FRY: variants seen among roughly 807,000 people sequenced by gnomAD.
FRY encodes the protein protein furry homolog.
Under a neutral mutation model 348.4 loss-of-function variants are expected in FRY, and 128 were observed. The ratio of observed to expected loss-of-function variants is 0.37; its 90% CI spans 0.32 to 0.43. The LOEUF (loss-of-function observed/expected upper bound fraction) is 0.43. Among genes scored for constraint, FRY ranks in the 20% least tolerant of loss-of-function variants. The pLI, the probability that FRY is intolerant of heterozygous loss-of-function variation, is 1.00. For synonymous variants in FRY, 1,370 were observed against 1,374.7 expected (o/e 1.00, Z 0.08); for missense variants, 2,736 against 3,695.2 (o/e 0.74, Z 6.73).
At chr13:32,148,223 G>A (rs149640337) in intron 13 of FRY, among the ~76,000 whole-genome samples, 6 of 152,156 alleles carry the variant, frequency 3.9e-5, no homozygotes, top group South Asian at 4.1e-4. Context: ...GAATTAGTAC[G>A]ATTGTCTTGA....
intron 7 of FRY, among the ~76,000 whole-genome samples, chr13:32,128,089 G>A (rs1037418643): frequency 6.6e-6 from 1 of 151,990 alleles, no homozygotes; most frequent in African/African-American, 2.4e-5. Context: ...ATTCAGTTTG[G>A]GGTTATTGCA....
chr13:32,234,430 GAA>G, intron 41 of FRY, 142 bp from the exon 42 acceptor site: 1 of 686,980 alleles, frequency 1.5e-6, no homozygotes, highest in Non-Finnish European at 2.6e-6. Context: ...CTCAAAAAGA[GAA>G]AAAAAAAATG....
At chr13:32,249,787 GC>G in intron 49 of FRY, 100 bp downstream of exon 49, 1 of 1,054,682 alleles carries the variant, frequency 9.5e-7, no homozygotes, top group Non-Finnish European at 1.4e-6. Flanking sequence ...TCCCAAGGTT[GC>G]CCATATAGGT....
In FRY at chr13:32,102,011, G is replaced by T; in HGVS notation, c.319G>T (p.Asp107Tyr). The stretch of plus-strand genomic sequence containing the variant: ...GCAACGTGGAGAAGACCCCCAATTT[G>T]ATCAGGTATGTGATATATATGTTAT... ...SLQRGEDPQF[D>Y]QVISSMSSLS... is the part of the protein sequence containing the mutation. Residue 107 changes from aspartate to tyrosine, a missense_variant, in exon 3 of 61, where the codon GAT (aspartate) becomes TAT (tyrosine). Around this residue, in one of 9 missense-constraint regions of FRY, gnomAD observed 309 missense variants for 418.1 expected, o/e 0.74. Coordinates refer to ENST00000542859, the MANE Select transcript of FRY (RefSeq NM_023037.3). 6.5e-7 allele frequency: 1 copy of T among 1,531,788 alleles called. No individual in the cohort carries two copies. The highest frequency in any genetic ancestry group is 1.1e-5 in the South Asian group (1 of 89,320). The allele number at this position is 1,531,788 out of a possible 1,614,324, so 94.9% of individuals were successfully genotyped here.
intron 17 of FRY, among the ~76,000 whole-genome samples, chr13:32,162,292 A>T (rs1881491954): frequency 6.6e-6 from 1 of 152,218 alleles, no homozygotes; most frequent in Non-Finnish European, 1.5e-5. Flanking sequence ...TGAATGAATG[A>T]TGCATTACAC....
chr13:32,101,854 T>G, intron 2 of FRY, 109 bp from the exon 3 acceptor site: 1 of 714,830 alleles, frequency 1.4e-6, no homozygotes, highest in Non-Finnish European at 2.5e-6. Context: ...GCCTCCTGAT[T>G]CCATAATGAG....
At position 32,228,466 on chromosome 13, in the gene FRY, C is replaced by T; in HGVS notation, c.5217C>T (p.Asp1739=). Reference sequence around the variant, plus strand: ...TTCTTCTCCCACCAGGTGGCTTTGACTTCCTGAGAGAGGACCAGTCATCCC... The same window carrying T: ...TTCTTCTCCCACCAGGTGGCTTTGATTTCCTGAGAGAGGACCAGTCATCCC... ...QPEYLYTGGF[D]FLREDQSSPV... is the part of the protein sequence containing the mutation. The change falls in exon 40 of 61, where the codon GAC becomes GAT. Residue 1739 remains aspartate (D), a synonymous_variant. Coordinates refer to ENST00000542859, the MANE Select transcript of FRY (RefSeq NM_023037.3). 1 of 1,612,366 alleles carries T rather than the reference C, an allele frequency of 6.2e-7. No individual in the cohort carries two copies. The highest frequency in any genetic ancestry group is 1.1e-5 in the South Asian group (1 of 91,006).
chr13:32,200,599 G>A (rs1412877524), intron 29 of FRY, among the ~76,000 whole-genome samples: 1 of 152,056 alleles, frequency 6.6e-6, no homozygotes, highest in Non-Finnish European at 1.5e-5. Flanking sequence ...ATAAAAAAGA[G>A]AGAGAAGAAA....
At chr13:32,191,592 A>C (rs1346605934) in intron 28 of FRY, among the ~76,000 whole-genome samples, 10 of 152,218 alleles carry the variant, frequency 6.6e-5, no homozygotes, top group Admixed American at 6.5e-4. Flanking sequence ...AATATCATAG[A>C]CTAGTGGCTT....
In FRY at chr13:32,236,085, T is replaced by C; in HGVS notation, c.5723T>C (p.Val1908Ala). Residue 1908 changes from valine (V) to alanine (A), a missense_variant, in exon 43 of 61, where the codon GTA becomes GCA. Val to Ala is a moderately conservative substitution (Grantham distance 64). Around this residue, in one of 9 missense-constraint regions of FRY, gnomAD observed 794 missense variants for 977.0 expected, o/e 0.81. Coordinates refer to ENST00000542859, the MANE Select transcript of FRY (RefSeq NM_023037.3). ...TCTTTGCATGTTTGGCAGGGTTATG[T>C]AATGGAAGCGCTCCTAACCTTGGAG... ...GEHGDEIQGY[V>A]MEALLTLEAA... The C allele has an allele frequency of 6.2e-7, 1 of 1,611,960 alleles. No homozygotes were observed. Among genetic ancestry groups the C allele is most frequent in the East Asian group, 2.2e-5 (1 of 44,862 alleles).
intron 7 of FRY, among the ~76,000 whole-genome samples, chr13:32,130,713 G>A (rs1879304363): frequency 6.6e-6 from 1 of 151,756 alleles, no homozygotes; most frequent in Admixed American, 6.6e-5. Flanking sequence ...GTGTCTTTTT[G>A]TTTGTTTTGC....
At chr13:32,173,332 G>T in intron 18 of FRY, 35 bp from the exon 19 acceptor site, 1 of 1,538,172 alleles carries the variant, frequency 6.5e-7, no homozygotes, top group Non-Finnish European at 9.0e-7. Context: ...TTGTTATTTC[G>T]CTGAATACAG....
chr13:32,124,995 T>A, intron 7 of FRY, 120 bp downstream of exon 7: 2 of 769,502 alleles, frequency 2.6e-6, no homozygotes, highest in South Asian at 2.7e-5. Context: ...CTTTGCCATG[T>A]GTGCCCCATC....
intron 31 of FRY, among the ~76,000 whole-genome samples, chr13:32,203,055 A>G (rs148447735): frequency 6.6e-6 from 1 of 152,326 alleles, no homozygotes; most frequent in East Asian, 1.9e-4. Context: ...ATAATTGTTA[A>G]ATGAAAAAAA....
At chr13:32,052,426 A>G (rs113483812) in intron 1 of FRY, among the ~76,000 whole-genome samples, 2 of 152,342 alleles carry the variant, frequency 1.3e-5, no homozygotes, top group South Asian at 4.1e-4. Flanking sequence ...AGTGTGCCCA[A>G]CGCAATACCA....
At chr13:32,057,093 G>C (rs1252218326) in intron 1 of FRY, among the ~76,000 whole-genome samples, 1 of 152,174 alleles carries the variant, frequency 6.6e-6, no homozygotes, top group Non-Finnish European at 1.5e-5. Flanking sequence ...GCTTCCCATA[G>C]TAAAATAGAG....
intron 31 of FRY, among the ~76,000 whole-genome samples, chr13:32,204,322 TGAGATG>T (rs1884227116): frequency 1.9e-5 from 1 of 53,876 alleles, no homozygotes; most frequent in African/African-American, 7.4e-5. Context: ...GTTTTACAGA[TGAGATG>T]AGAAACTAAG....
At chr13:32,202,623 T>G (rs942642518) in intron 31 of FRY, 96 bp downstream of exon 31, 1 of 1,119,886 alleles carries the variant, frequency 8.9e-7, no homozygotes, top group African/African-American at 1.5e-5. Flanking sequence ...TTCTTTGCTC[T>G]AAGTAATTTT....
At chr13:32,034,861 T>C (rs1190232302) in intron 1 of FRY, among the ~76,000 whole-genome samples, 1 of 152,212 alleles carries the variant, frequency 6.6e-6, no homozygotes, top group African/African-American at 2.4e-5. Context: ...CCCAAATTCA[T>C]GCCTGTACAC....
Sources: allele counts gnomAD v4.1 joint callset (sites outside exome capture counted in the v4.1 genomes callset), GRCh38; gene constraint gnomAD v4.1.1; regional missense constraint gnomAD v4.1.1; transcripts MANE v1.5; gene names NCBI Gene and HGNC (gene_info 2026-07-23, HGNC 2026-07-21).